Variants in SLIT3 observed in about 807,000 individuals in gnomAD.
SLIT3 encodes the protein slit guidance ligand 3.
SLIT3 carries 68 observed loss-of-function variants against 184.0 expected under a neutral mutation model. The ratio of observed to expected loss-of-function variants is 0.37; its 90% confidence interval spans 0.30 to 0.45. The LOEUF (loss-of-function observed/expected upper bound fraction) is 0.45. Ranked by LOEUF, SLIT3 falls within the 20% of genes least tolerant of loss-of-function variation. The pLI, the probability that SLIT3 is intolerant of heterozygous loss-of-function variation, is 1.00. For synonymous variants in SLIT3, 831 were observed against 828.6 expected, an observed-to-expected ratio of 1.00 and a Z score of -0.05; for missense variants, 1,707 against 2,026.0, an observed-to-expected ratio of 0.84 and a Z score of 3.02.
chr5:168,976,638 T>C (rs1561585184), intron 4 of SLIT3, among the ~76,000 whole-genome samples: 1 of 152,238 alleles, frequency 6.6e-6, no homozygotes, highest in Non-Finnish European at 1.5e-5. Flanking sequence ...CTCTATTGCC[T>C]TGTTCCTCCT....
chr5:169,211,774 T>G (rs1764273122), intron 3 of SLIT3, among the ~76,000 whole-genome samples: 1 of 152,172 alleles, frequency 6.6e-6, no homozygotes, highest in Admixed American at 6.5e-5. Context: ...CTTCTCCTAA[T>G]GCTATCCCTC....
At chr5:169,010,516 C>T (rs2113453639) in intron 4 of SLIT3, among the ~76,000 whole-genome samples, 1 of 152,176 alleles carries the variant, frequency 6.6e-6, no homozygotes, top group Admixed American at 6.5e-5. Context: ...GATCATGAAA[C>T]AGAAATTAAG....
chr5:169,074,007 G>A (rs1265163606), intron 4 of SLIT3, among the ~76,000 whole-genome samples: 4 of 152,158 alleles, frequency 2.6e-5, no homozygotes, highest in African/African-American at 9.7e-5. Context: ...GAATAGTACC[G>A]CAAGGGAATA....
At chr5:168,929,759 C>A (rs1046624578) in intron 4 of SLIT3, among the ~76,000 whole-genome samples, 2 of 152,312 alleles carry the variant, frequency 1.3e-5, no homozygotes, top group Non-Finnish European at 2.9e-5. Flanking sequence ...TGGGAAACTG[C>A]AAATAGTTCA....
At chr5:169,189,301 A>G (rs1268324209) in intron 4 of SLIT3, among the ~76,000 whole-genome samples, 1 of 151,982 alleles carries the variant, frequency 6.6e-6, no homozygotes, top group Non-Finnish European at 1.5e-5. Flanking sequence ...GCCCACGGTA[A>G]TTAGCATGGC....
At chr5:169,273,542 C>A (rs1393956418) in intron 1 of SLIT3, among the ~76,000 whole-genome samples, 2 of 152,200 alleles carry the variant, frequency 1.3e-5, no homozygotes, top group African/African-American at 4.8e-5. Flanking sequence ...CCAGGCCACA[C>A]TGCAGACCAA....
chr5:169,195,802 A>C (rs1763722872), intron 3 of SLIT3, among the ~76,000 whole-genome samples: 1 of 152,208 alleles, frequency 6.6e-6, no homozygotes, highest in Non-Finnish European at 1.5e-5. Context: ...CTGGAATTAC[A>C]GGAGTGAGTC....
In SLIT3 at chr5:168,817,170, A is replaced by T. The variant is rs185311428; in HGVS notation, c.793+130T>A. 6.4e-4 allele frequency: 490 copies of T among 763,432 alleles called. 6 individuals carry two copies. The African/African-American group carries it at 7.4e-3, about 12-fold the overall frequency. 47.3% of individuals were successfully genotyped at this position (763,432 alleles called of 1,614,324 possible). On this transcript the variant is annotated intron_variant, in intron 8 of 35. Coordinates refer to ENST00000519560, the MANE Select transcript of SLIT3 (RefSeq NM_003062.4). ...TTTAAGTGACTACTGAGTACTGAGGACGACCTATGGGGTTCCTTCCACACC... is the reference window on the plus strand; with the variant it reads ...TTTAAGTGACTACTGAGTACTGAGGTCGACCTATGGGGTTCCTTCCACACC...
intron 4 of SLIT3, among the ~76,000 whole-genome samples, chr5:169,190,621 C>T (rs142806118): frequency 9.7e-4 from 148 of 152,102 alleles, no homozygotes; most frequent in African/African-American, 3.4e-3. Context: ...CAGATAAACA[C>T]GAAATATTAA....
intron 35 of SLIT3, chr5:168,666,901 A>G: frequency 1.3e-6 from 1 of 744,110 alleles, no homozygotes; most frequent in Non-Finnish European, 2.3e-6. Context: ...CTTACACCTA[A>G]GCCGTGAGGA....
chr5:169,218,794 G>T (rs571322252), intron 3 of SLIT3, among the ~76,000 whole-genome samples: 1 of 152,344 alleles, frequency 6.6e-6, no homozygotes, highest in East Asian at 1.9e-4. Flanking sequence ...TAAAAACTCA[G>T]TGTTCAAGGC....
At chr5:168,858,828 G>A (rs1254088785) in intron 5 of SLIT3, among the ~76,000 whole-genome samples, 2 of 152,120 alleles carry the variant, frequency 1.3e-5, no homozygotes, top group African/African-American at 4.8e-5. Flanking sequence ...TACATCCCGG[G>A]GACTCAGCAC....
intron 4 of SLIT3, among the ~76,000 whole-genome samples, chr5:169,137,305 TACACACACACAC>T (rs747552567): frequency 2.2e-5 from 3 of 136,006 alleles, no homozygotes; most frequent in Admixed American, 7.2e-5. Context: ...TCTATCTACA[TACACACACACAC>T]ACACACACAC....
At chr5:168,755,145 T>C (rs11950269) in intron 16 of SLIT3, among the ~76,000 whole-genome samples, 15,065 of 152,194 alleles carry the variant, frequency 0.099, 2,521 homozygotes, top group African/African-American at 0.35. Context: ...TATTATCGTC[T>C]CATTTTACGG....
At chr5:168,820,613 C>G (rs1757497741) in intron 7 of SLIT3, among the ~76,000 whole-genome samples, 1 of 152,202 alleles carries the variant, frequency 6.6e-6, no homozygotes. Flanking sequence ...CCTGCCTGGA[C>G]AAGGCTGCAG....
chr5:169,044,010 T>G (rs536839916), intron 4 of SLIT3, among the ~76,000 whole-genome samples: 1 of 152,330 alleles, frequency 6.6e-6, no homozygotes, highest in South Asian at 2.1e-4. Context: ...AAACTTATTC[T>G]GATAGGAGAC....
At chr5:169,106,900 A>G (rs1760233849) in intron 4 of SLIT3, among the ~76,000 whole-genome samples, 1 of 152,238 alleles carries the variant, frequency 6.6e-6, no homozygotes, top group Non-Finnish European at 1.5e-5. Flanking sequence ...TACCCTGTAG[A>G]ATCTTTAGCC....
intron 20 of SLIT3, among the ~76,000 whole-genome samples, chr5:168,728,049 CTTCTATGCTGCTCA>C (rs1212654626): frequency 1.3e-5 from 2 of 152,140 alleles, no homozygotes; most frequent in East Asian, 1.9e-4. Context: ...GGCTTCCCAC[CTTCTATGCTGCTCA>C]TTCTATGCTG....
intron 4 of SLIT3, among the ~76,000 whole-genome samples, chr5:169,166,039 G>C (rs1350671369): frequency 1.3e-5 from 2 of 152,152 alleles, no homozygotes; most frequent in Non-Finnish European, 2.9e-5. Flanking sequence ...ACAGAAACAG[G>C]GAGGTTAAAT....
Sources: gnomAD v4.1 joint callset for allele counts (sites outside exome capture counted in the v4.1 genomes callset) on GRCh38, gnomAD v4.1.1 for gene constraint, MANE v1.5 for transcripts, NCBI Gene and HGNC (gene_info 2026-07-23, HGNC 2026-07-21) for gene names.